Variants in CNTNAP2 observed in about 807,000 individuals in gnomAD.
CNTNAP2 encodes the protein contactin associated protein 2.
In CNTNAP2, 98 loss-of-function variants were observed where a neutral mutation model predicts 155.2. That is an observed-to-expected ratio of 0.63 (90% CI 0.54 to 0.75). CNTNAP2 has a LOEUF of 0.75. CNTNAP2 is among the 30% of genes least tolerant of loss of function. The probability of loss-of-function intolerance (pLI) is 0.00; values close to 1 mark genes in which losing one functional copy is unlikely to be tolerated. For synonymous variants in CNTNAP2, 651 were observed against 631.2 expected (o/e 1.03, Z -0.47); for missense variants, 1,727 against 1,688.1 (o/e 1.02, Z -0.40).
chr7:147,685,713 G>A (rs1239984519), intron 13 of CNTNAP2, among the ~76,000 whole-genome samples: 2 of 151,852 alleles, frequency 1.3e-5, no homozygotes, highest in South Asian at 2.1e-4. Flanking sequence ...AAATTTAATA[G>A]CATGACAGAT....
intron 20 of CNTNAP2, among the ~76,000 whole-genome samples, chr7:148,243,397 C>T (rs573370280): frequency 2.0e-5 from 3 of 152,206 alleles, no homozygotes; most frequent in East Asian, 1.9e-4. Flanking sequence ...AGAAAGTTGA[C>T]GTATTAGTCC....
intron 10 of CNTNAP2, among the ~76,000 whole-genome samples, chr7:147,421,912 T>A (rs1180493910): frequency 6.6e-6 from 1 of 151,842 alleles, no homozygotes; most frequent in African/African-American, 2.4e-5. Flanking sequence ...TTGGCCTTTT[T>A]CCATAAGTAA....
intron 21 of CNTNAP2, among the ~76,000 whole-genome samples, chr7:148,326,820 G>C (rs567444113): frequency 6.6e-6 from 1 of 150,396 alleles, no homozygotes; most frequent in Non-Finnish European, 1.5e-5. Context: ...AGCCGAGATC[G>C]TGCCACTGCT....
chr7:147,365,557 C>T (rs1180284004), intron 9 of CNTNAP2, among the ~76,000 whole-genome samples: 1 of 151,852 alleles, frequency 6.6e-6, no homozygotes, highest in Non-Finnish European at 1.5e-5. Flanking sequence ...GTTATAACTT[C>T]ACTTTCTATT....
chr7:146,554,852 G>T (rs1254983884), intron 1 of CNTNAP2, among the ~76,000 whole-genome samples: 1 of 152,210 alleles, frequency 6.6e-6, no homozygotes, highest in Non-Finnish European at 1.5e-5. Context: ...GTTAGCCAGG[G>T]TGAAAATGGG....
chr7:146,248,274 G>T (rs919903930), intron 1 of CNTNAP2, among the ~76,000 whole-genome samples: 6 of 152,004 alleles, frequency 3.9e-5, no homozygotes, highest in African/African-American at 1.4e-4. Context: ...GAAGGGGTTG[G>T]GGGTTTCTTG....
At chr7:148,109,420 T>G (rs1360653407) in intron 15 of CNTNAP2, among the ~76,000 whole-genome samples, 3 of 151,604 alleles carry the variant, frequency 2.0e-5, no homozygotes, top group Admixed American at 2.0e-4. Flanking sequence ...GTTTCGCTCT[T>G]GTTGCCCAGG....
chr7:147,859,422 CA>C (rs35631450), intron 13 of CNTNAP2, among the ~76,000 whole-genome samples: 6,964 of 129,954 alleles, frequency 0.054, 438 homozygotes, highest in African/African-American at 0.17. Context: ...AGATCAAGAC[CA>C]AAAAAAAAAA....
chr7:147,015,212 A>C (rs1279955729), intron 3 of CNTNAP2, among the ~76,000 whole-genome samples: 1 of 152,100 alleles, frequency 6.6e-6, no homozygotes, highest in Non-Finnish European at 1.5e-5. Flanking sequence ...TTAAAAGAGC[A>C]GGAAGCATGA....
chr7:147,826,327 G>A (rs750197561), intron 13 of CNTNAP2, among the ~76,000 whole-genome samples: 1 of 152,166 alleles, frequency 6.6e-6, no homozygotes, highest in Non-Finnish European at 1.5e-5. Flanking sequence ...ATAAGTGATA[G>A]TATAATCCTA....
chr7:147,745,310 T>A (rs1797020115), intron 13 of CNTNAP2, among the ~76,000 whole-genome samples: 1 of 152,208 alleles, frequency 6.6e-6, no homozygotes, highest in Non-Finnish European at 1.5e-5. Flanking sequence ...GCCTGATATA[T>A]TTTTACCATT....
chr7:146,184,467 A>G (rs1189051165), intron 1 of CNTNAP2, among the ~76,000 whole-genome samples: 1 of 152,230 alleles, frequency 6.6e-6, no homozygotes, highest in African/African-American at 2.4e-5. Flanking sequence ...TGATGCTAAT[A>G]TGGAGAATTA....
intron 1 of CNTNAP2, among the ~76,000 whole-genome samples, chr7:146,514,804 A>T (rs1797516994): frequency 6.6e-6 from 1 of 151,816 alleles, no homozygotes; most frequent in Admixed American, 6.6e-5. Context: ...ATAATTGGTT[A>T]TTTATTGTAG....
rs73740598 is a variant in CNTNAP2 at position 147,216,347 on chromosome 7, T to A, written c.1349-83794T>A. 7.6e-3 allele frequency among the ~76,000 whole-genome samples: 1,163 copies of A among 152,136 alleles called. 16 individuals are homozygous for A. The highest frequency in any genetic ancestry group is 0.027 in the African/African-American group (1,109 of 41,546). ...CTTTAGGTCTGTGATCCACTTTGAG[T>A]TAATTTTTGTGAAGGATATAAGGTC... is the stretch of plus-strand genomic sequence containing the variant. On this transcript the variant is annotated intron_variant, in intron 8 of 23. Coordinates refer to ENST00000361727, the MANE Select transcript of CNTNAP2 (RefSeq NM_014141.6).
intron 3 of CNTNAP2, among the ~76,000 whole-genome samples, chr7:146,994,533 G>A (rs764089462): frequency 9.2e-5 from 14 of 152,166 alleles, no homozygotes; most frequent in African/African-American, 1.2e-4. Flanking sequence ...GCAAATTTGC[G>A]AAATTATTTC....
intron 14 of CNTNAP2, among the ~76,000 whole-genome samples, chr7:147,953,131 G>A (rs779448442): frequency 2.4e-4 from 37 of 152,138 alleles, no homozygotes; most frequent in Non-Finnish European, 4.7e-4. Context: ...GCATTATTCC[G>A]TTGCTACGTG....
intron 13 of CNTNAP2, among the ~76,000 whole-genome samples, chr7:147,746,313 C>T (rs1797042317): frequency 6.6e-6 from 1 of 152,100 alleles, no homozygotes; most frequent in South Asian, 2.1e-4. Flanking sequence ...GGCTTGAACA[C>T]AGGGGAGAAT....
At chr7:147,639,675 A>G (rs1795242808) in intron 13 of CNTNAP2, among the ~76,000 whole-genome samples, 1 of 152,220 alleles carries the variant, frequency 6.6e-6, no homozygotes, top group African/African-American at 2.4e-5. Context: ...AAGCATTCTA[A>G]AAATTGTCTA....
intron 1 of CNTNAP2, among the ~76,000 whole-genome samples, chr7:146,481,896 G>T (rs1457961338): frequency 2.0e-5 from 3 of 151,994 alleles, no homozygotes; most frequent in Non-Finnish European, 4.4e-5. Context: ...ACTTCACCAA[G>T]AATTTATTGT....
Sources: gnomAD v4.1 joint callset for allele counts (sites outside exome capture counted in the v4.1 genomes callset) on GRCh38, gnomAD v4.1.1 for gene constraint, MANE v1.5 for transcripts, NCBI Gene and HGNC (gene_info 2026-07-23, HGNC 2026-07-21) for gene names.